The following MED12L variants were observed in gnomAD, a reference collection of about 807,000 sequenced individuals.
The protein encoded by MED12L is mediator complex subunit 12L, also known as mediator of RNA polymerase II transcription subunit 12-like protein.
Under a neutral mutation model 281.3 loss-of-function variants are expected in MED12L, and 60 were observed. The ratio of observed to expected loss-of-function variants is 0.21; its 90% CI spans 0.17 to 0.26. The LOEUF (loss-of-function observed/expected upper bound fraction) is 0.26, where lower values mean the gene tolerates loss of function less well. MED12L is among the 10% of genes least tolerant of loss of function. The pLI is 1.00. For missense variants in MED12L, 2,146 were observed against 2,680.9 expected (o/e 0.80, Z 4.41); for synonymous variants, 974 against 987.2 (o/e 0.99, Z 0.25).
chr3:151,102,825 C>T (rs1721557225), intron 2 of MED12L, among the ~76,000 whole-genome samples: 1 of 152,086 alleles, frequency 6.6e-6, no homozygotes, highest in Non-Finnish European at 1.5e-5. Context: ...ATTCTTTTGT[C>T]TCCCACAACA....
At chr3:151,257,048 G>A (rs1440497417) in intron 16 of MED12L, among the ~76,000 whole-genome samples, 1 of 152,062 alleles carries the variant, frequency 6.6e-6, no homozygotes, top group Non-Finnish European at 1.5e-5. Flanking sequence ...AAAGCAGCAC[G>A]ATACAGCTGC....
At chr3:151,128,069 C>A in intron 5 of MED12L, 85 bp downstream of exon 5, 1 of 1,232,986 alleles carries the variant, frequency 8.1e-7, no homozygotes, top group South Asian at 1.4e-5. Flanking sequence ...TACAGCCCAG[C>A]ATGGTGAGTG....
rs1719848197 is a variant in MED12L at position 151,434,282 on chromosome 3, C to T, written c.*1478C>T. On this transcript the variant is annotated 3_prime_UTR_variant, in exon 45 of 45. Transcript: ENST00000687756. ...GACATTTTCTTTTGCAAATCATTAT[C>T]TATAAATAATTTATATCTTCCTGGG... 1 of 152,080 alleles carries T rather than the reference C, an allele frequency of 6.6e-6. No individual in the cohort carries two copies. The highest frequency in any genetic ancestry group is 6.6e-5 in the Admixed American group (1 of 15,250). The allele number at this position is 152,080 out of a possible 1,614,324, so 9.4% of individuals were successfully genotyped here.
At chr3:151,212,945 G>GT in intron 16 of MED12L, 1 of 155,130 alleles carries the variant, frequency 6.4e-6, no homozygotes, top group Admixed American at 6.5e-5. Flanking sequence ...ATGCCTGAGT[G>GT]AGTTGTCTTT....
chr3:151,175,593 T>C (rs552424744), intron 11 of MED12L, among the ~76,000 whole-genome samples: 25 of 152,350 alleles, frequency 1.6e-4, no homozygotes, highest in African/African-American at 5.8e-4. Context: ...AAAGGAAGCC[T>C]GCCTCTCAGA....
intron 21 of MED12L, 124 bp downstream of exon 21, chr3:151,360,729 T>C (rs1251300145): frequency 3.6e-6 from 3 of 833,028 alleles, no homozygotes; most frequent in Non-Finnish European, 5.7e-6. Context: ...TAGGCAGTAA[T>C]TTTGATATAC....
At chr3:151,246,508 C>G (rs1362127620) in intron 16 of MED12L, among the ~76,000 whole-genome samples, 2 of 152,048 alleles carry the variant, frequency 1.3e-5, no homozygotes, top group African/African-American at 2.4e-5. Flanking sequence ...CTGAGAAAAA[C>G]AAGCAATGGG....
At position 151,190,638 on chromosome 3, in the gene MED12L, T is replaced by C. The variant is rs1389953009; in HGVS notation, c.1754-79T>C. On this transcript the variant is annotated intron_variant, in intron 13 of 44. Transcript: ENST00000687756. Reference sequence around the variant, plus strand: ...CAGAAAAGTTGATTGTGAAAAGTAATGAAAATATTAAGCCTTAGTAATTAG... The same window carrying C: ...CAGAAAAGTTGATTGTGAAAAGTAACGAAAATATTAAGCCTTAGTAATTAG... The C allele has an allele frequency of 2.4e-6, 3 of 1,258,890 alleles. No homozygotes were observed. The African/African-American group carries it at 4.5e-5, about 19-fold the overall frequency. 78.0% of individuals were successfully genotyped at this position (1,258,890 alleles called of 1,614,324 possible).
chr3:151,363,824 A>C (rs564315806), intron 21 of MED12L, among the ~76,000 whole-genome samples: 4 of 152,246 alleles, frequency 2.6e-5, no homozygotes, highest in African/African-American at 9.6e-5. Context: ...AACACCCCAA[A>C]AGTGATTCTC....
chr3:151,434,721 ATTTC>A lies in MED12L; in HGVS notation c.*1921_*1924del, dbSNP rs1300177324. 5 of 152,282 alleles carry A rather than the reference ATTTC, an allele frequency of 3.3e-5. No individual in the cohort carries two copies. Among genetic ancestry groups the A allele is most frequent in the African/African-American group, 7.2e-5 (3 of 41,556 alleles). The allele number at this position is 152,282 out of a possible 1,614,324, so 9.4% of individuals were successfully genotyped here. A position where few individuals can be genotyped will look rare whatever the true frequency, so the allele number is the denominator to read the frequency against. On this transcript the variant is annotated 3_prime_UTR_variant, in exon 45 of 45. Transcript: ENST00000687756. ...ATGTTCCATCATTATTTCTTTCCAA[ATTTC>A]TTTGCCAGTTCAGTTTGAACCATAT... is the stretch of plus-strand genomic sequence containing the variant.
intron 16 of MED12L, among the ~76,000 whole-genome samples, chr3:151,277,844 C>T (rs1399692167): frequency 6.6e-6 from 1 of 152,110 alleles, no homozygotes; most frequent in African/African-American, 2.4e-5. Context: ...AGTGTATGTA[C>T]AAGTAAATGC....
intron 16 of MED12L, among the ~76,000 whole-genome samples, chr3:151,308,608 C>A (rs1007740629): frequency 6.6e-6 from 1 of 152,152 alleles, no homozygotes; most frequent in Non-Finnish European, 1.5e-5. Context: ...TTAAAAGATG[C>A]AGAATGCTTT....
At chr3:151,176,824 C>T (rs192113373) in intron 11 of MED12L, among the ~76,000 whole-genome samples, 12 of 151,606 alleles carry the variant, frequency 7.9e-5, no homozygotes, top group African/African-American at 2.0e-4. Flanking sequence ...TGGTCAACTG[C>T]GGAATTAAGT....
intron 5 of MED12L, among the ~76,000 whole-genome samples, chr3:151,134,087 C>T (rs1186207187): frequency 6.6e-6 from 1 of 152,068 alleles, no homozygotes; most frequent in Admixed American, 6.5e-5. Flanking sequence ...AACTGCATTT[C>T]AAGGTTGAAT....
In MED12L at chr3:151,360,681, C is replaced by A. The variant is rs1242154118; in HGVS notation, c.2957+76C>A. ...TTAGTGACCCTGACAATATTGTCAT[C>A]CTTTTGAATAATGAAAGCTAATTGC... On this transcript the variant is annotated intron_variant, in intron 21 of 44. Transcript: ENST00000687756. 10 of 1,340,280 alleles carry A rather than the reference C, an allele frequency of 7.5e-6. No individual in the cohort carries two copies. In the Admixed American group the frequency reaches 2.1e-4, roughly 28 times the overall value. The allele number at this position is 1,340,280 out of a possible 1,614,324, so 83.0% of individuals were successfully genotyped here. A position where few individuals can be genotyped will look rare whatever the true frequency, so the allele number is the denominator to read the frequency against.
At chr3:151,186,464 A>T (rs1041156650) in intron 12 of MED12L, among the ~76,000 whole-genome samples, 2 of 152,002 alleles carry the variant, frequency 1.3e-5, no homozygotes, top group Non-Finnish European at 2.9e-5. Flanking sequence ...TTTCCACCTC[A>T]TCTTGTGCCC....
At chr3:151,188,105 G>C (rs1327344321) in intron 12 of MED12L, 4 of 252,484 alleles carry the variant, frequency 1.6e-5, no homozygotes, top group Non-Finnish European at 3.0e-5. Flanking sequence ...ACCTGTCTAC[G>C]GCCATACCAC....
chr3:151,378,016 T>C lies in MED12L; in HGVS notation c.4321T>C (p.Ser1441Pro). ...QNGIKTFLSS[S>P]ERRGVWLVAP... Reference sequence around the variant, plus strand: ...AACACCTGTTTCTGATTTTAGTTCCTCCGAACGCAGGGGTGTATGGTTGGT... The same window carrying C: ...AACACCTGTTTCTGATTTTAGTTCCCCCGAACGCAGGGGTGTATGGTTGGT... The change falls in exon 31 of 45, where the codon TCC becomes CCC. Residue 1441 changes from serine to proline, a missense_variant. Around this residue, in one of 9 missense-constraint regions of MED12L, gnomAD observed 235 missense variants for 260.3 expected, o/e 0.90. Transcript: ENST00000687756. 1 of 1,597,678 alleles carries C rather than the reference T, an allele frequency of 6.3e-7. No individual in the cohort carries two copies. Among genetic ancestry groups the C allele is most frequent in the East Asian group, 2.3e-5 (1 of 44,168 alleles).
chr3:151,211,911 G>T (rs934219148), intron 16 of MED12L, among the ~76,000 whole-genome samples: 5 of 152,236 alleles, frequency 3.3e-5, no homozygotes, highest in Non-Finnish European at 7.3e-5. Flanking sequence ...CTTCCAAAGT[G>T]TTGGGAGTAC....
Sources: gnomAD v4.1 joint callset for allele counts (sites outside exome capture counted in the v4.1 genomes callset) on GRCh38, gnomAD v4.1.1 for gene constraint, gnomAD v4.1.1 regional missense constraint, MANE v1.5 for transcripts, NCBI Gene and HGNC (gene_info 2026-07-23, HGNC 2026-07-21) for gene names.